Variants in MYO5A observed in about 807,000 individuals in gnomAD.
The protein encoded by MYO5A is unconventional myosin-Va.
Under a neutral mutation model 249.7 loss-of-function variants are expected in MYO5A, and 98 were observed. The observed-to-expected ratio is 0.39, with a 90% CI of 0.33 to 0.46. MYO5A has a LOEUF of 0.46. Ranked by LOEUF, MYO5A falls within the 20% of genes least tolerant of loss-of-function variation. The pLI is 0.98. For synonymous variants in MYO5A, 778 were observed against 810.6 expected, an observed-to-expected ratio of 0.96 and a Z score of 0.68; for missense variants, 1,696 against 2,308.8, an observed-to-expected ratio of 0.73 and a Z score of 5.44.
At chr15:52,481,341 T>C (rs888989400) in intron 1 of MYO5A, among the ~76,000 whole-genome samples, 2 of 152,260 alleles carry the variant, frequency 1.3e-5, no homozygotes, top group African/African-American at 4.8e-5. Context: ...TTTTACTTTA[T>C]ACCCTAACTA....
intron 36 of MYO5A, chr15:52,323,681 T>C: frequency 4.7e-6 from 2 of 424,992 alleles, no homozygotes; most frequent in South Asian, 4.2e-5. Context: ...ATTAAACTGA[T>C]GCGAATTTAG....
chr15:52,354,753 C>T (rs2040127529), intron 25 of MYO5A, among the ~76,000 whole-genome samples: 1 of 151,206 alleles, frequency 6.6e-6, no homozygotes, highest in Non-Finnish European at 1.5e-5. Flanking sequence ...ACTCAGGAGG[C>T]AGAGGGAGGA....
chr15:52,414,051 T>C (rs1162178102), intron 5 of MYO5A, among the ~76,000 whole-genome samples: 1 of 152,192 alleles, frequency 6.6e-6, no homozygotes, highest in African/African-American at 2.4e-5. Flanking sequence ...GTTTTGGTCA[T>C]GGGGACAAAT....
intron 1 of MYO5A, among the ~76,000 whole-genome samples, chr15:52,528,146 A>C (rs571697334): frequency 7.0e-4 from 106 of 152,292 alleles, no homozygotes; most frequent in Middle Eastern, 6.8e-3. Context: ...GCGGGATTAC[A>C]CGCAGGTTGC....
At position 52,441,291 on chromosome 15, in the gene MYO5A, T is replaced by C. The variant is rs535263111; in HGVS notation, c.28-8006A>G. ...TATTTTGTATTTTTTAAATTTGTTA[T>C]GAAATATGTCATACAAGAGGATGTG... On this transcript the variant is annotated intron_variant, in intron 1 of 41. Coordinates refer to ENST00000399233, the MANE Select transcript of MYO5A (RefSeq NM_001382347.1). 6.6e-5 allele frequency among the ~76,000 whole-genome samples: 10 copies of C among 152,288 alleles called. No homozygotes were observed. The South Asian group carries it at 1.2e-3, about 19-fold the overall frequency.
Position 52,392,008 on chromosome 15 carries a change from A to C in MYO5A, c.1464T>G (p.Asp488Glu). The change falls in exon 12 of 42, where the codon GAT becomes GAG. Residue 488 changes from aspartate to glutamate, a missense_variant. By Grantham distance (45) the Asp-to-Glu change is conservative. Coordinates refer to ENST00000399233, the MANE Select transcript of MYO5A (RefSeq NM_001382347.1). Reference protein sequence around the residue: ...MKEQIPWTLIDFYDNQPCINL... With the variant: ...MKEQIPWTLIEFYDNQPCINL... ...TAATACAAGGCTGATTATCATAAAA[A>C]TCTATGAGTGTCCATGGAATTTGTT... 6.2e-7 allele frequency: 1 copy of C among 1,611,616 alleles called. No individual in the cohort carries two copies. Among genetic ancestry groups the C allele is most frequent in the Non-Finnish European group, 8.5e-7 (1 of 1,178,154 alleles).
chr15:52,407,636 C>T (rs2043066316), intron 7 of MYO5A, among the ~76,000 whole-genome samples: 2 of 151,206 alleles, frequency 1.3e-5, no homozygotes, highest in Non-Finnish European at 2.9e-5. Context: ...ATAAATAGTC[C>T]TTTCCTAAAG....
chr15:52,358,327 C>T (rs540246816), intron 25 of MYO5A, among the ~76,000 whole-genome samples: 5 of 152,312 alleles, frequency 3.3e-5, no homozygotes, highest in Admixed American at 2.6e-4. Flanking sequence ...CAAGTGAGTA[C>T]TCCCACTGAG....
intron 14 of MYO5A, 94 bp from the exon 15 acceptor site, chr15:52,384,416 G>C: frequency 4.0e-6 from 5 of 1,259,610 alleles, no homozygotes; most frequent in Non-Finnish European, 4.6e-6. Flanking sequence ...CCTTCCTTAA[G>C]TAATCACTGT....
chr15:52,323,717 C>T (rs960045486), intron 36 of MYO5A: 15 of 370,536 alleles, frequency 4.0e-5, no homozygotes, highest in Non-Finnish European at 7.3e-5. Context: ...GAAAAAAATT[C>T]ACCCGGCTGG....
intron 38 of MYO5A, among the ~76,000 whole-genome samples, chr15:52,319,665 AG>A (rs1296631158): frequency 6.6e-6 from 1 of 152,162 alleles, no homozygotes; most frequent in Non-Finnish European, 1.5e-5. Flanking sequence ...TGGGAGGCAA[AG>A]GCTGCAGTGA....
intron 39 of MYO5A, 42 bp downstream of exon 39, chr15:52,319,018 G>C: frequency 6.2e-7 from 1 of 1,609,560 alleles, no homozygotes; most frequent in South Asian, 1.1e-5. Flanking sequence ...AGGCCAGCTG[G>C]GCAGCAAAAA....
chr15:52,444,429 T>C (rs1460966000), intron 1 of MYO5A, among the ~76,000 whole-genome samples: 1 of 152,192 alleles, frequency 6.6e-6, no homozygotes, highest in East Asian at 1.9e-4. Flanking sequence ...CTAACTTTAC[T>C]TAACCTCATA....
chr15:52,394,402 G>T (rs2042392164), intron 11 of MYO5A, among the ~76,000 whole-genome samples: 2 of 152,248 alleles, frequency 1.3e-5, no homozygotes, highest in Non-Finnish European at 2.9e-5. Flanking sequence ...ATGAATGGGA[G>T]ATAAGCAAGT....
chr15:52,338,459 A>G (rs1387800836), intron 32 of MYO5A, among the ~76,000 whole-genome samples: 2 of 152,134 alleles, frequency 1.3e-5, no homozygotes, highest in African/African-American at 4.8e-5. Context: ...GGCAAGGTAG[A>G]GTTTCAAGAG....
rs754564461 is a variant in MYO5A, at chr15:52,364,607, T to C, written c.3256A>G (p.Ser1086Gly). 1.9e-6 allele frequency: 3 copies of C among 1,613,956 alleles called. No homozygotes were observed. The African/African-American group carries it at 4.0e-5, about 22-fold the overall frequency. The change falls in exon 24 of 42, where the codon AGT (serine) becomes GGT (glycine). Residue 1086 changes from serine (S) to glycine (G), a missense_variant. Transcript: ENST00000399233. ...LRYQNLLNEF[S>G]RLEERYDDLK... Reference sequence around the variant, plus strand: ...TCATCATATCTTTCTTCCAGGCGACTGAACTCATTCAGAAGGTTCTGATAT... The same window carrying C: ...TCATCATATCTTTCTTCCAGGCGACCGAACTCATTCAGAAGGTTCTGATAT...
At chr15:52,396,071 G>A (rs534889074) in intron 11 of MYO5A, among the ~76,000 whole-genome samples, 1 of 152,254 alleles carries the variant, frequency 6.6e-6, no homozygotes, top group South Asian at 2.1e-4. Flanking sequence ...CACACTGCCT[G>A]CTTCTCTCAA....
intron 9 of MYO5A, among the ~76,000 whole-genome samples, chr15:52,399,255 T>C (rs2042633944): frequency 6.6e-6 from 1 of 152,218 alleles, no homozygotes; most frequent in African/African-American, 2.4e-5. Flanking sequence ...GGCTATGTCA[T>C]TAAGTATATA....
chr15:52,407,173 A>G, intron 8 of MYO5A, 119 bp downstream of exon 8: 1 of 746,768 alleles, frequency 1.3e-6, no homozygotes, highest in African/African-American at 1.7e-5. Context: ...TCTATGTGGA[A>G]TATTAAATCT....
Sources: allele counts gnomAD v4.1 joint callset (sites outside exome capture counted in the v4.1 genomes callset), GRCh38; gene constraint gnomAD v4.1.1; transcripts MANE v1.5; gene names NCBI Gene and HGNC (gene_info 2026-07-23, HGNC 2026-07-21).